Variants in MAF observed in about 807,000 individuals in gnomAD.
MAF encodes the protein transcription factor Maf.
Under a neutral mutation model 22.0 loss-of-function variants are expected in MAF, and 10 were observed. That is an observed-to-expected ratio of 0.45 (90% CI 0.28 to 0.77). The LOEUF (loss-of-function observed/expected upper bound fraction) is 0.77. Among genes scored for constraint, MAF ranks in the 30% least tolerant of loss-of-function variants. The pLI is 0.12. For missense variants in MAF, 544 were observed against 548.4 expected, an observed-to-expected ratio of 0.99 and a Z score of 0.08; for synonymous variants, 337 against 255.8, an observed-to-expected ratio of 1.32 and a Z score of -3.03.
At chr16:79,521,963 C>T in the MAF span, among the ~76,000 whole-genome samples, 2 of 152,104 alleles carry the variant, frequency 1.3e-5, no homozygotes, top group African/African-American at 2.4e-5. Context: ...CCAAGGAGAT[C>T]GACTTCTCAT....
chr16:79,424,755 T>C, the MAF span, among the ~76,000 whole-genome samples: 95,204 of 151,912 alleles, frequency 0.63, 30,545 homozygotes, highest in East Asian at 0.92. Flanking sequence ...ACCAACTCTG[T>C]ATGGCTGTTG....
the MAF span, among the ~76,000 whole-genome samples, chr16:79,354,174 G>T: frequency 1.2e-4 from 18 of 151,840 alleles, no homozygotes; most frequent in African/African-American, 4.4e-4. Context: ...TGGGTTTTCA[G>T]TAGAGATAGA....
chr16:79,583,521 T>C (rs1237564603), downstream of MAF, among the ~76,000 whole-genome samples: 1 of 152,210 alleles, frequency 6.6e-6, no homozygotes, highest in African/African-American at 2.4e-5. Flanking sequence ...CTGTAAGGTC[T>C]GGTTGCATCC....
At chr16:79,218,432 G>C in the MAF span, among the ~76,000 whole-genome samples, 1 of 152,066 alleles carries the variant, frequency 6.6e-6, no homozygotes, top group Non-Finnish European at 1.5e-5. Context: ...TCTATCAATT[G>C]ATCTCCTCAG....
At chr16:79,468,528 G>A in the MAF span, among the ~76,000 whole-genome samples, 12 of 152,320 alleles carry the variant, frequency 7.9e-5, no homozygotes, top group Admixed American at 6.5e-4. Context: ...GTGAACGACT[G>A]CACCTGCTGT....
chr16:79,339,348 C>G, the MAF span, among the ~76,000 whole-genome samples: 2 of 152,176 alleles, frequency 1.3e-5, no homozygotes, highest in Non-Finnish European at 2.9e-5. Flanking sequence ...CGTGAGCCAC[C>G]GCACCCGGCC....
chr16:79,543,251 C>T, the MAF span, among the ~76,000 whole-genome samples: 1 of 152,204 alleles, frequency 6.6e-6, no homozygotes, highest in African/African-American at 2.4e-5. Context: ...TATGATTCCC[C>T]AGTATCTTGG....
chr16:79,483,514 C>T, the MAF span, among the ~76,000 whole-genome samples: 1 of 151,448 alleles, frequency 6.6e-6, no homozygotes, highest in African/African-American at 2.4e-5. Context: ...ACGTGAAGTG[C>T]TAAGAGGAAG....
the MAF span, among the ~76,000 whole-genome samples, chr16:79,338,732 C>A: frequency 1.3e-5 from 2 of 152,298 alleles, no homozygotes; most frequent in Admixed American, 1.3e-4. Context: ...ACACTCGCGA[C>A]ACTTCACTTG....
chr16:79,212,238 G>T, the MAF span: 1 of 1,354,290 alleles, frequency 7.4e-7, no homozygotes, highest in Admixed American at 2.8e-5. Flanking sequence ...GCTCCTTGCT[G>T]CATTGATCCA....
chr16:79,414,660 G>C, the MAF span, among the ~76,000 whole-genome samples: 2 of 152,150 alleles, frequency 1.3e-5, no homozygotes, highest in East Asian at 3.8e-4. Context: ...AAAGCTGGAA[G>C]GAAAACCAAA....
the MAF span, among the ~76,000 whole-genome samples, chr16:79,527,884 G>A: frequency 6.6e-6 from 1 of 152,190 alleles, no homozygotes; most frequent in Non-Finnish European, 1.5e-5. Context: ...GCTCACACCT[G>A]TAATCCCACC....
the MAF span, among the ~76,000 whole-genome samples, chr16:79,388,814 C>T: frequency 2.0e-5 from 3 of 152,174 alleles, no homozygotes; most frequent in Admixed American, 1.3e-4. Flanking sequence ...GTCCATTTCA[C>T]GGGTGGGAAA....
At chr16:79,580,156 G>A in the MAF span, among the ~76,000 whole-genome samples, 1 of 152,040 alleles carries the variant, frequency 6.6e-6, no homozygotes, top group African/African-American at 2.4e-5. Context: ...TTCTTCCAGG[G>A]TCAGGACCAA....
At chr16:79,344,501 C>T in the MAF span, among the ~76,000 whole-genome samples, 3 of 152,180 alleles carry the variant, frequency 2.0e-5, no homozygotes, top group Admixed American at 1.3e-4. Context: ...CTGTCCCATA[C>T]AATCCAGGAC....
chr16:79,317,359 C>G, the MAF span, among the ~76,000 whole-genome samples: 1 of 144,928 alleles, frequency 6.9e-6, no homozygotes, highest in Non-Finnish European at 1.5e-5. Flanking sequence ...CTTCCTTCTT[C>G]CCTCCTTTTC....
chr16:79,357,440 A>G, the MAF span, among the ~76,000 whole-genome samples: 1 of 152,196 alleles, frequency 6.6e-6, no homozygotes, highest in Non-Finnish European at 1.5e-5. Flanking sequence ...TCAAAAAACA[A>G]AACAAAACAA....
the MAF span, among the ~76,000 whole-genome samples, chr16:79,400,764 C>T: frequency 3.9e-5 from 6 of 152,256 alleles, no homozygotes; most frequent in African/African-American, 7.2e-5. Flanking sequence ...GGACTCCTGG[C>T]GCCCAAGTTT....
At chr16:79,250,580 T>C in the MAF span, among the ~76,000 whole-genome samples, 19 of 152,190 alleles carry the variant, frequency 1.2e-4, 1 homozygote, top group Admixed American at 6.5e-5. Context: ...GTTCTGGTGC[T>C]TGGGGAAGGC....
Sources: gnomAD v4.1 joint callset for allele counts (sites outside exome capture counted in the v4.1 genomes callset) on GRCh38, gnomAD v4.1.1 for gene constraint, MANE v1.5 for transcripts, NCBI Gene and HGNC (gene_info 2026-07-23, HGNC 2026-07-21) for gene names.